Variants in CACNA1B observed in about 807,000 individuals in gnomAD.
The protein encoded by CACNA1B is voltage-dependent N-type calcium channel subunit alpha-1B.
In CACNA1B, 70 loss-of-function variants were observed where a neutral mutation model predicts 247.2. That is an observed-to-expected ratio of 0.28 (90% CI 0.23 to 0.35). The LOEUF (loss-of-function observed/expected upper bound fraction) is 0.35. Among genes scored for constraint, CACNA1B ranks in the 10% least tolerant of loss-of-function variants. The probability of loss-of-function intolerance (pLI) is 1.00; values close to 1 mark genes in which losing one functional copy is unlikely to be tolerated. For synonymous variants in CACNA1B, 1,231 were observed against 1,294.4 expected, an observed-to-expected ratio of 0.95 and a Z score of 1.05; for missense variants, 2,367 against 3,197.4, an observed-to-expected ratio of 0.74 and a Z score of 6.26.
chr9:137,975,566 A>G (rs1958209747), intron 11 of CACNA1B, among the ~76,000 whole-genome samples: 1 of 152,160 alleles, frequency 6.6e-6, no homozygotes, highest in African/African-American at 2.4e-5. Context: ...CCTTTGCCTC[A>G]TAGCCCCAGG....
intron 15 of CACNA1B, among the ~76,000 whole-genome samples, chr9:138,000,048 A>G (rs1958547037): frequency 6.6e-6 from 1 of 152,168 alleles, no homozygotes; most frequent in Admixed American, 6.5e-5. Flanking sequence ...TAATTCCAAA[A>G]GAATACTTTG....
At chr9:138,097,326 G>A (rs1195226133) in intron 37 of CACNA1B, among the ~76,000 whole-genome samples, 1 of 152,182 alleles carries the variant, frequency 6.6e-6, no homozygotes, top group Non-Finnish European at 1.5e-5. Context: ...TGGGTCAGAA[G>A]GTGAAGCTGT....
At chr9:138,037,345 A>G (rs1432736020) in intron 20 of CACNA1B, among the ~76,000 whole-genome samples, 1 of 152,206 alleles carries the variant, frequency 6.6e-6, no homozygotes, top group Non-Finnish European at 1.5e-5. Flanking sequence ...TGACAACCAA[A>G]GGATGTCTAG....
intron 3 of CACNA1B, among the ~76,000 whole-genome samples, chr9:137,909,684 T>C (rs1030841134): frequency 2.0e-5 from 3 of 152,248 alleles, no homozygotes; most frequent in Admixed American, 2.0e-4. Context: ...AAGTATCTGA[T>C]TGAGTCCTGC....
intron 36 of CACNA1B, among the ~76,000 whole-genome samples, chr9:138,089,855 C>G (rs995169287): frequency 6.6e-6 from 1 of 152,080 alleles, no homozygotes; most frequent in East Asian, 1.9e-4. Context: ...GAAAAGAAAT[C>G]AGTCTCATTT....
rs984941446 is a variant in CACNA1B at position 137,955,464 on chromosome 9, C to T, written c.1071-234C>T. Among the ~76,000 whole-genome samples the T allele has an allele frequency of 3.9e-5, 6 of 152,204 alleles. No individual in the cohort carries two copies. The highest frequency in any genetic ancestry group is 1.4e-4 in the African/African-American group (6 of 41,450). ...ACGGGAGTCTGAGGATGGAGGGCCA[C>T]CTGGGCTGCTCATGGAGGCCCTCTG... On this transcript the variant is annotated intron_variant, in intron 7 of 46. Transcript: ENST00000371372. This position sits in a 1 kb window ranked among gnomAD's most constrained non-coding sequence, Gnocchi z 6.9.
At chr9:138,105,593 C>T in intron 38 of CACNA1B, 106 bp from the exon 39 acceptor site, 1 of 678,612 alleles carries the variant, frequency 1.5e-6, no homozygotes, top group Non-Finnish European at 2.6e-6. Context: ...GCAGGCACCA[C>T]CACTGGGATG....
chr9:138,057,860 G>C lies in CACNA1B; in HGVS notation c.4097G>C (p.Gly1366Ala). Residue 1366 changes from glycine to alanine, a missense_variant, in exon 27 of 47, where the codon GGC becomes GCC. Physicochemically the swap from Gly to Ala is moderately conservative, Grantham distance 60. Transcript: ENST00000371372. This position sits in a 1 kb window ranked among gnomAD's most constrained non-coding sequence, Gnocchi z 4.0. Reference protein sequence around the residue: ...LTLFTVSTGEGWPMVLKHSVD... With the variant: ...LTLFTVSTGEAWPMVLKHSVD... ...CTGTTCACAGTGTCCACGGGAGAAG[G>C]CTGGCCCATGTGAGTGCTCATCCTG... 6.2e-7 allele frequency: 1 copy of C among 1,603,360 alleles called. No individual in the cohort carries two copies. Among genetic ancestry groups the C allele is most frequent in the Non-Finnish European group, 8.5e-7 (1 of 1,171,396 alleles).
rs148172730 is a variant in CACNA1B, at chr9:138,059,567, C to T, written c.4585-87C>T. 9.6e-4 allele frequency: 796 copies of T among 826,122 alleles called. 12 individuals carry two copies. In the East Asian group the frequency reaches 0.019, roughly 19 times the overall value. 51.2% of individuals were successfully genotyped at this position (826,122 alleles called of 1,614,324 possible). ...CAGGGTCTATCACCCTCACCGCTTT[C>T]TTAATCAGGGCCACCACCTATATAT... On this transcript the variant is annotated intron_variant, in intron 30 of 46. Coordinates refer to ENST00000371372, the MANE Select transcript of CACNA1B (RefSeq NM_000718.4). This position sits in a 1 kb window ranked among gnomAD's most constrained non-coding sequence, Gnocchi z 4.2.
intron 20 of CACNA1B, among the ~76,000 whole-genome samples, chr9:138,042,589 T>G (rs2133469605): frequency 6.6e-6 from 1 of 152,348 alleles, no homozygotes; most frequent in Non-Finnish European, 1.5e-5. Context: ...TTTTGCCAGA[T>G]TGCTTTCTCA....
At chr9:137,897,452 C>T (rs1353163179) in intron 3 of CACNA1B, among the ~76,000 whole-genome samples, 5 of 151,862 alleles carry the variant, frequency 3.3e-5, no homozygotes, top group Non-Finnish European at 7.4e-5. Context: ...TGGTGACGGG[C>T]GCCTGTACTC....
Position 138,120,702 on chromosome 9 carries a change from C to T in CACNA1B, c.6310C>T (p.Arg2104Cys), listed in dbSNP as rs1329932190. 7.9e-6 allele frequency: 12 copies of T among 1,519,646 alleles called. No individual in the cohort carries two copies. The highest frequency in any genetic ancestry group is 7.6e-5 in the South Asian group (6 of 79,432). 94.1% of individuals were successfully genotyped at this position (1,519,646 alleles called of 1,614,324 possible). Residue 2104 changes from arginine to cysteine, a missense_variant, in exon 46 of 47, where the codon CGC becomes TGC. By Grantham distance (180) the Arg-to-Cys change is radical (BLOSUM62 -3). Coordinates refer to ENST00000371372, the MANE Select transcript of CACNA1B (RefSeq NM_000718.4). ...TACAGGCTGCCGGCGGGAACGAGAG[C>T]GCCGGCAGGAGCGGGGCCGGTCCCA... ...GPTGCRRERE[R>C]RQERGRSQER...
intron 31 of CACNA1B, among the ~76,000 whole-genome samples, chr9:138,064,289 G>A (rs759676816): frequency 1.1e-4 from 17 of 152,102 alleles, no homozygotes; most frequent in Admixed American, 3.3e-4. Flanking sequence ...TCAAGTAAAC[G>A]AGCCCGATCT....
rs200956244 is a variant in CACNA1B, at chr9:138,122,189, G to A, written c.*190G>A. 1.3e-4 allele frequency: 80 copies of A among 602,410 alleles called. No homozygotes were observed. Among genetic ancestry groups the A allele is most frequent in the Middle Eastern group, 4.4e-4 (1 of 2,270 alleles). The allele number at this position is 602,410 out of a possible 1,614,324, so 37.3% of individuals were successfully genotyped here. On this transcript the variant is annotated 3_prime_UTR_variant, in exon 47 of 47. Coordinates refer to ENST00000371372, the MANE Select transcript of CACNA1B (RefSeq NM_000718.4). ...CGAATAAAGCCCTGTTAGAGGATGC[G>A]GCTCTCTCTGTCCCCTTCCTGTCCT...
chr9:138,044,588 G>C lies in CACNA1B; in HGVS notation c.3413+688G>C, dbSNP rs1046350514. On this transcript the variant is annotated intron_variant, in intron 21 of 46. Coordinates refer to ENST00000371372, the MANE Select transcript of CACNA1B (RefSeq NM_000718.4). ...AAAACTTAGATGAGAAGGTCAGGTG[G>C]GGCTTCTGGGGTGAGACTGGAGCAG... is the stretch of plus-strand genomic sequence containing the variant. 2.6e-5 allele frequency among the ~76,000 whole-genome samples: 4 copies of C among 152,218 alleles called. No homozygotes were observed. The East Asian group carries it at 7.7e-4, about 29-fold the overall frequency.
chr9:138,042,934 A>G (rs1269198104), intron 20 of CACNA1B, among the ~76,000 whole-genome samples: 1 of 152,202 alleles, frequency 6.6e-6, no homozygotes, highest in Admixed American at 6.5e-5. Flanking sequence ...GAGTTGCAGC[A>G]GTGGGAGGCG....
intron 3 of CACNA1B, among the ~76,000 whole-genome samples, chr9:137,903,165 C>T (rs1210487823): frequency 2.6e-5 from 4 of 152,032 alleles, no homozygotes; most frequent in South Asian, 2.1e-4. Context: ...GGGCGGATCA[C>T]GGGGTCAAGA....
Position 138,058,382 on chromosome 9 carries a change from T to C in CACNA1B, c.4308+132T>C. 1.0e-6 allele frequency: 1 copy of C among 960,500 alleles called. No homozygotes were observed. Among genetic ancestry groups the C allele is most frequent in the Non-Finnish European group, 1.6e-6 (1 of 617,058 alleles). 59.5% of individuals were successfully genotyped at this position (960,500 alleles called of 1,614,324 possible). On this transcript the variant is annotated intron_variant, in intron 28 of 46. Coordinates refer to ENST00000371372, the MANE Select transcript of CACNA1B (RefSeq NM_000718.4). This position sits in a 1 kb window ranked among gnomAD's most constrained non-coding sequence, Gnocchi z 4.7. The stretch of plus-strand genomic sequence containing the variant: ...CGTCTGCCAACACAGGGGCAGGTCC[T>C]CCTTTCTCCTGCAGAGGGACCGGAT...
intron 41 of CACNA1B, 91 bp downstream of exon 41, chr9:138,114,581 C>G: frequency 3.1e-6 from 2 of 649,602 alleles, no homozygotes; most frequent in Non-Finnish European, 5.4e-6. Context: ...GAGATGCACA[C>G]CATTCTTGGA....
Sources: gnomAD v4.1 joint callset for allele counts (sites outside exome capture counted in the v4.1 genomes callset) on GRCh38, gnomAD v4.1.1 for gene constraint, Gnocchi (gnomAD v3.1) non-coding constraint, MANE v1.5 for transcripts, NCBI Gene and HGNC (gene_info 2026-07-23, HGNC 2026-07-21) for gene names.